TENM2: variants seen among roughly 807,000 people sequenced by gnomAD.
The protein encoded by TENM2 is teneurin-2.
TENM2 carries 52 observed loss-of-function variants against 245.2 expected under a neutral mutation model. The ratio of observed to expected loss-of-function variants is 0.21; its 90% CI spans 0.17 to 0.27. TENM2 has a LOEUF of 0.27. Among genes scored for constraint, TENM2 ranks in the 10% least tolerant of loss-of-function variants. TENM2 has a pLI of 1.00. For missense variants in TENM2, 3,046 were observed against 3,666.8 expected (o/e 0.83, Z 4.37); for synonymous variants, 1,363 against 1,438.9 (o/e 0.95, Z 1.19).
At chr5:167,695,735 A>C (rs1173940984) in intron 2 of TENM2, among the ~76,000 whole-genome samples, 9 of 151,642 alleles carry the variant, frequency 5.9e-5, no homozygotes, top group African/African-American at 9.7e-5. Flanking sequence ...TTAAAAAAAA[A>C]AAAAACAAAA....
chr5:167,471,669 CTA>C (rs1767038206), intron 2 of TENM2, among the ~76,000 whole-genome samples: 1 of 152,180 alleles, frequency 6.6e-6, no homozygotes, highest in Non-Finnish European at 1.5e-5. Context: ...GCGTGGCAGA[CTA>C]TATAATACGA....
chr5:167,404,051 A>T (rs1235923186), intron 2 of TENM2, among the ~76,000 whole-genome samples: 1 of 152,120 alleles, frequency 6.6e-6, no homozygotes, highest in East Asian at 1.9e-4. Flanking sequence ...TAATGGTTTC[A>T]TAGAGAATTG....
At chr5:167,082,126 G>C in the TENM2 span, among the ~76,000 whole-genome samples, 1 of 152,104 alleles carries the variant, frequency 6.6e-6, no homozygotes, top group Admixed American at 6.6e-5. Flanking sequence ...GGCATAAAGT[G>C]AGCATTCTAT....
At chr5:167,859,081 C>A (rs1444081470) in intron 2 of TENM2, among the ~76,000 whole-genome samples, 5 of 149,066 alleles carry the variant, frequency 3.4e-5, no homozygotes, top group African/African-American at 1.2e-4. Context: ...CTCTGCCCGG[C>A]CGCCCATCGT....
At chr5:168,217,012 A>T in intron 22 of TENM2, 90 bp downstream of exon 24, 1 of 1,424,922 alleles carries the variant, frequency 7.0e-7, no homozygotes, top group Non-Finnish European at 9.7e-7. Context: ...TGGAAGTGGA[A>T]TGGGAGGGAG....
At chr5:167,972,970 C>G (rs570965086) in intron 4 of TENM2, among the ~76,000 whole-genome samples, 14 of 151,746 alleles carry the variant, frequency 9.2e-5, no homozygotes, top group South Asian at 4.2e-4. Flanking sequence ...ACAGCATGGC[C>G]TACGTGATTC....
chr5:167,487,933 G>T (rs1034974231), intron 2 of TENM2, among the ~76,000 whole-genome samples: 2 of 151,914 alleles, frequency 1.3e-5, no homozygotes, highest in Admixed American at 1.3e-4. Flanking sequence ...GGTCATAGAA[G>T]GTATAATTTA....
In TENM2 at chr5:167,444,397, A is replaced by C. The variant is rs139355558; in HGVS notation, c.502+68924A>C. Among the ~76,000 whole-genome samples the C allele has an allele frequency of 5.3e-5, 8 of 152,260 alleles. No individual in the cohort carries two copies. The East Asian group carries it at 1.5e-3, about 29-fold the overall frequency. On this transcript the variant is annotated intron_variant, in intron 2 of 28. Coordinates refer to ENST00000518659, the Ensembl canonical transcript of TENM2. ...CAAATGAACAAGCTGTTAACTAAGA[A>C]AATTCAGACATTTGGGGACAACTAA...
intron 2 of TENM2, among the ~76,000 whole-genome samples, chr5:167,670,998 T>A (rs1359832216): frequency 6.6e-6 from 1 of 152,160 alleles, no homozygotes; most frequent in Non-Finnish European, 1.5e-5. Flanking sequence ...AGGGACTCTT[T>A]CATTTGCCTG....
chr5:168,180,332 T>A (rs1362801468), intron 13 of TENM2, among the ~76,000 whole-genome samples: 1 of 152,254 alleles, frequency 6.6e-6, no homozygotes, highest in Non-Finnish European at 1.5e-5. Flanking sequence ...TGTATCCATA[T>A]ATCAAAGCCT....
chr5:168,120,621 C>T (rs1795400756), intron 10 of TENM2, among the ~76,000 whole-genome samples: 1 of 152,156 alleles, frequency 6.6e-6, no homozygotes, highest in African/African-American at 2.4e-5. Flanking sequence ...AACCATCCAA[C>T]CAAACAAGCC....
intron 7 of TENM2, among the ~76,000 whole-genome samples, chr5:168,066,303 A>C (rs1278070079): frequency 2.0e-5 from 3 of 152,200 alleles, no homozygotes; most frequent in Non-Finnish European, 4.4e-5. Flanking sequence ...CAACCAAAGC[A>C]GTCACATCAT....
intron 1 of TENM2, among the ~76,000 whole-genome samples, chr5:167,364,989 G>T (rs1259407700): frequency 6.6e-6 from 1 of 151,710 alleles, no homozygotes; most frequent in Non-Finnish European, 1.5e-5. Flanking sequence ...CACTACACAC[G>T]AGAATTCTCG....
chr5:167,667,738 G>A (rs577062894), intron 2 of TENM2, among the ~76,000 whole-genome samples: 81 of 152,278 alleles, frequency 5.3e-4, no homozygotes, highest in African/African-American at 1.7e-3. Flanking sequence ...CATGTATGTC[G>A]CTGATAAGAG....
intron 5 of TENM2, among the ~76,000 whole-genome samples, chr5:168,036,695 A>ATATG (rs1408467026): frequency 9.0e-6 from 1 of 111,084 alleles, no homozygotes; most frequent in Admixed American, 9.0e-5. Flanking sequence ...ATATATATAT[A>ATATG]TATATGTATG....
At chr5:168,198,723 G>T in intron 15 of TENM2, 130 bp from the exon 18 acceptor site, 1 of 1,190,610 alleles carries the variant, frequency 8.4e-7, no homozygotes, top group Non-Finnish European at 1.2e-6. Flanking sequence ...AGCCCCACCT[G>T]TCTGCCTCCA....
chr5:168,121,714 T>A (rs900287984), intron 10 of TENM2, among the ~76,000 whole-genome samples: 1 of 147,952 alleles, frequency 6.8e-6, no homozygotes, highest in Non-Finnish European at 1.5e-5. Context: ...AGAAAAAGAT[T>A]GTGATTTTTT....
At chr5:167,686,564 C>T (rs931585018) in intron 2 of TENM2, among the ~76,000 whole-genome samples, 6 of 152,136 alleles carry the variant, frequency 3.9e-5, no homozygotes, top group Non-Finnish European at 2.9e-5. Context: ...GGTAGGGCTC[C>T]GCACAAGTGA....
At chr5:167,285,884 A>G (rs1771316467) in intron 1 of TENM2, among the ~76,000 whole-genome samples, 1 of 152,258 alleles carries the variant, frequency 6.6e-6, no homozygotes, top group Non-Finnish European at 1.5e-5. Context: ...CTGCTCTGCT[A>G]GGTTATTGCC....
Sources: gnomAD v4.1 joint callset for allele counts (sites outside exome capture counted in the v4.1 genomes callset) on GRCh38, gnomAD v4.1.1 for gene constraint, MANE v1.5 for transcripts, NCBI Gene and HGNC (gene_info 2026-07-23, HGNC 2026-07-21) for gene names.